Variants in PLEKHG4 observed in about 807,000 individuals in gnomAD.
The protein encoded by PLEKHG4 is pleckstrin homology and RhoGEF domain containing G4.
PLEKHG4 carries 85 observed loss-of-function variants against 136.9 expected under a neutral mutation model. The ratio of observed to expected loss-of-function variants is 0.62; its 90% CI spans 0.52 to 0.74. PLEKHG4 has a LOEUF of 0.74. Ranked by LOEUF, PLEKHG4 falls within the 30% of genes least tolerant of loss-of-function variation. The pLI is 0.00. For missense variants in PLEKHG4, 1,317 were observed against 1,527.8 expected (o/e 0.86, Z 2.30); for synonymous variants, 577 against 646.9 (o/e 0.89, Z 1.64).
chr16:67,281,175 C>G lies in PLEKHG4; in HGVS notation c.804C>G (p.Ser268Arg). 6.2e-7 allele frequency: 1 copy of G among 1,610,540 alleles called. No individual in the cohort carries two copies. The highest frequency in any genetic ancestry group is 8.5e-7 in the Non-Finnish European group (1 of 1,176,846). The change falls in exon 5 of 22, where the codon AGC becomes AGG. Residue 268 changes from serine (S) to arginine (R), a missense_variant. Coordinates refer to ENST00000379344, the MANE Select transcript of PLEKHG4 (RefSeq NM_001129729.3). ...GTTCTTCCCTCTTCTCTGGGCTCAG[C>G]CAACTACAAGTGAGTACAGGATTGT... The part of the protein sequence containing the change: ...APSSSLFSGL[S>R]QLQEAAPGAV...
rs766258236 is a variant in PLEKHG4 at position 67,287,068 on chromosome 16, C to T, written c.2994C>T (p.Arg998=). 1 of 1,613,458 alleles carries T rather than the reference C, an allele frequency of 6.2e-7. No individual in the cohort carries two copies. The highest frequency in any genetic ancestry group is 8.5e-7 in the Non-Finnish European group (1 of 1,180,042). The change falls in exon 18 of 22, where the codon CGC becomes CGT. Residue 998 remains arginine (R), a synonymous_variant. Coordinates refer to ENST00000379344, the MANE Select transcript of PLEKHG4 (RefSeq NM_001129729.3). ...SNLRFEIWFR[R]RKARDTFVLQ... ...TGCGCTTCGAGATCTGGTTCCGCCG[C>T]CGCAAGGCCAGGGACACCTTTGTGC...
chr16:67,282,386 C>G, intron 9 of PLEKHG4, 37 bp downstream of exon 9: 1 of 1,611,530 alleles, frequency 6.2e-7, no homozygotes. Flanking sequence ...TTGCCCCAGC[C>G]CACCATATTC....
Position 67,284,704 on chromosome 16 carries a change from G to C in PLEKHG4, c.1693-9G>C. 6.2e-7 allele frequency: 1 copy of C among 1,613,394 alleles called. No homozygotes were observed. The highest frequency in any genetic ancestry group is 8.5e-7 in the Non-Finnish European group (1 of 1,179,850). ...TTCCTCTAATGCTTGTCCGGCCCTG[G>C]TGTTGCAGGCCTTGACGTGGGCTGA... On this transcript the variant is annotated splice_polypyrimidine_tract_variant and intron_variant, in intron 12 of 21. Transcript: ENST00000379344. The surrounding 1 kb of genome is among the most constrained non-coding windows in gnomAD (Gnocchi z 4.4).
rs949409654 is a variant in PLEKHG4 at position 67,284,627 on chromosome 16, G to A, written c.1693-86G>A. The A allele has an allele frequency of 6.5e-7, 1 of 1,534,212 alleles. No individual in the cohort carries two copies. The highest frequency in any genetic ancestry group is 1.4e-5 in the African/African-American group (1 of 73,236). On this transcript the variant is annotated intron_variant, in intron 12 of 21. Coordinates refer to ENST00000379344, the MANE Select transcript of PLEKHG4 (RefSeq NM_001129729.3). The surrounding 1 kb of genome is among the most constrained non-coding windows in gnomAD (Gnocchi z 4.4). ...GGCTGTGTCCTGGACAGCATCCTGTGGGGATGGGGAGTGGGTAGAGGAGCA... is the reference window on the plus strand; with the variant it reads ...GGCTGTGTCCTGGACAGCATCCTGTAGGGATGGGGAGTGGGTAGAGGAGCA...
At position 67,286,984 on chromosome 16, in the gene PLEKHG4, C is replaced by A. The variant is rs1293133572; in HGVS notation, c.2926-16C>A. ...GCCCCATGCCTTACCAAGCCCCTCT[C>A]TCCCGCTGGCCACAGATGGCAGACC... On this transcript the variant is annotated splice_polypyrimidine_tract_variant and intron_variant, in intron 17 of 21. Transcript: ENST00000379344. The A allele has an allele frequency of 1.2e-6, 2 of 1,613,152 alleles. No individual in the cohort carries two copies. The highest frequency in any genetic ancestry group is 1.7e-6 in the Non-Finnish European group (2 of 1,179,970).
Position 67,286,378 on chromosome 16 carries a change from G to A in PLEKHG4, c.2532+15G>A, listed in dbSNP as rs767402609. On this transcript the variant is annotated intron_variant, in intron 15 of 21. Transcript: ENST00000379344. ...CCTTCTTCAAGGTAAGTGAACCTGA[G>A]ATTAGGAGGAGTAGGGGATGCGGGG... 19 of 1,612,140 alleles carry A rather than the reference G, an allele frequency of 1.2e-5. No individual in the cohort carries two copies. The highest frequency in any genetic ancestry group is 9.3e-6 in the Non-Finnish European group (11 of 1,178,366).
intron 18 of PLEKHG4, 61 bp from the exon 19 acceptor site, chr16:67,287,837 T>C: frequency 9.4e-7 from 1 of 1,069,366 alleles, no homozygotes; most frequent in Non-Finnish European, 1.5e-6. Context: ...TGGGGGGTGG[T>C]AGAGGCCCAA....
chr16:67,284,261 C>T lies in PLEKHG4; in HGVS notation c.1510-14C>T, dbSNP rs757217826. The T allele has an allele frequency of 1.2e-6, 2 of 1,612,694 alleles. No individual in the cohort carries two copies. Among genetic ancestry groups the T allele is most frequent in the Non-Finnish European group, 1.7e-6 (2 of 1,179,328 alleles). ...CAGGCCTGGGCTGGCTGAGCCTAGT[C>T]TCTGTCTCTGCAGGAGCAGGTCAGG... On this transcript the variant is annotated splice_polypyrimidine_tract_variant and intron_variant, in intron 11 of 21. Transcript: ENST00000379344. This position sits in a 1 kb window ranked among gnomAD's most constrained non-coding sequence, Gnocchi z 4.4.
chr16:67,288,922 T>A lies in PLEKHG4; in HGVS notation c.*114T>A. 2 of 1,141,492 alleles carry A rather than the reference T, an allele frequency of 1.8e-6. No homozygotes were observed. The highest frequency in any genetic ancestry group is 2.6e-6 in the Non-Finnish European group (2 of 770,374). 70.7% of individuals were successfully genotyped at this position (1,141,492 alleles called of 1,614,324 possible). ...ACACCTGGGCTACCTCCAACCTACA[T>A]GTGCAACGCTGTTGACTACCCTTTC... On this transcript the variant is annotated 3_prime_UTR_variant, in exon 22 of 22. Transcript: ENST00000379344.
chr16:67,281,207 C>A, intron 5 of PLEKHG4, 23 bp downstream of exon 5: 1 of 1,521,614 alleles, frequency 6.6e-7, no homozygotes, highest in Non-Finnish European at 9.1e-7. Flanking sequence ...TTGTAGCTCC[C>A]CTCATTCCTT....
chr16:67,281,647 A>G lies in PLEKHG4; in HGVS notation c.891+3A>G, dbSNP rs746098877. On this transcript the variant is annotated splice_donor_region_variant and intron_variant, in intron 6 of 21. Coordinates refer to ENST00000379344, the MANE Select transcript of PLEKHG4 (RefSeq NM_001129729.3). ...AGGAAGTGCCTTCCGGGCTGCAGGT[A>G]CTAAGCCCAGTTGGCTAGGGGTAGA... is the stretch of plus-strand genomic sequence containing the variant. 2 of 1,613,720 alleles carry G rather than the reference A, an allele frequency of 1.2e-6. No homozygotes were observed. The highest frequency in any genetic ancestry group is 2.2e-5 in the East Asian group (1 of 44,882).
rs1344556418 is a variant in PLEKHG4 at position 67,280,924 on chromosome 16, C to T, written c.638C>T (p.Ala213Val). The T allele has an allele frequency of 2.5e-6, 4 of 1,612,950 alleles. No individual in the cohort carries two copies. Among genetic ancestry groups the T allele is most frequent in the African/African-American group, 1.3e-5 (1 of 75,060 alleles). Residue 213 changes from alanine (A) to valine (V), a missense_variant, in exon 4 of 22, where the codon GCC becomes GTC. Ala to Val is a moderately conservative substitution (Grantham distance 64). Coordinates refer to ENST00000379344, the MANE Select transcript of PLEKHG4 (RefSeq NM_001129729.3). This position sits in a 1 kb window ranked among gnomAD's most constrained non-coding sequence, Gnocchi z 4.4. ...GGCCGGGCAGTGCTGCTTCTGTGTG[C>T]CCACAGCCCAGCCTGGCTTCAGTCT... The part of the protein sequence containing the change: ...VQGRAVLLLC[A>V]HSPAWLQSEC...
chr16:67,279,888 G>C lies in PLEKHG4; in HGVS notation c.-157G>C, dbSNP rs533579639. On this transcript the variant is annotated 5_prime_UTR_variant, in exon 2 of 22. Coordinates refer to ENST00000379344, the MANE Select transcript of PLEKHG4 (RefSeq NM_001129729.3). ...TCCCTCTTCCCAGGCCTGAATTGCA[G>C]TTCCTGTGCCCTGGCACTAAGACTG... 6.3e-5 allele frequency: 44 copies of C among 696,428 alleles called. No homozygotes were observed. Among genetic ancestry groups the C allele is most frequent in the Non-Finnish European group, 8.6e-5 (36 of 417,806 alleles). The allele number at this position is 696,428 out of a possible 1,614,324, so 43.1% of individuals were successfully genotyped here. A position where few individuals can be genotyped will look rare whatever the true frequency, so the allele number is the denominator to read the frequency against.
At chr16:67,283,187 G>A (rs2036310150) in intron 11 of PLEKHG4, among the ~76,000 whole-genome samples, 1 of 152,034 alleles carries the variant, frequency 6.6e-6, no homozygotes, top group Admixed American at 6.6e-5. Flanking sequence ...TGAGGATGGG[G>A]GCACATTCCA....
Position 67,282,075 on chromosome 16 carries a change from G to T in PLEKHG4, c.1072G>T (p.Val358Leu), listed in dbSNP as rs748979741. Reference protein sequence around the residue: ...CALLQGAIESVKAVPQPMEPG... With the variant: ...CALLQGAIESLKAVPQPMEPG... ...CCTGCTCCAGGGGGCCATCGAAAGT[G>T]TGAAGGCTGTGCCCCAGCCCATGGA... is the stretch of plus-strand genomic sequence containing the variant. The change falls in exon 8 of 22, where the codon GTG becomes TTG. Residue 358 changes from valine (V) to leucine (L), a missense_variant. Physicochemically the swap from Val to Leu is conservative, Grantham distance 32. Transcript: ENST00000379344. 2 of 1,613,644 alleles carry T rather than the reference G, an allele frequency of 1.2e-6. No homozygotes were observed. The highest frequency in any genetic ancestry group is 2.2e-5 in the East Asian group (1 of 44,874).
rs756668288 is a variant in PLEKHG4 at position 67,285,087 on chromosome 16, T to C, written c.2067T>C (p.Pro689=). Residue 689 remains proline, a synonymous_variant, in exon 13 of 22, where the codon CCT becomes CCC. Coordinates refer to ENST00000379344, the MANE Select transcript of PLEKHG4 (RefSeq NM_001129729.3). ...DRNLGQSLSE[P]ACHCHHAATI... is the part of the protein sequence containing the mutation. ...ATCTGGGGCAGAGTCTCAGTGAACC[T>C]GCCTGCCACTGCCACCATGCGGCCA... The C allele has an allele frequency of 1.4e-5, 23 of 1,613,180 alleles. No individual in the cohort carries two copies. In the African/African-American group the frequency reaches 2.8e-4, roughly 20 times the overall value.
At chr16:67,285,252 G>A in intron 13 of PLEKHG4, 37 bp downstream of exon 13, 1 of 1,613,726 alleles carries the variant, frequency 6.2e-7, no homozygotes, top group African/African-American at 1.3e-5. Context: ...GGCAGTAAAG[G>A]AGAGATGTCT....
chr16:67,283,001 A>C (rs1356363966), intron 11 of PLEKHG4, 143 bp downstream of exon 11: 3 of 716,306 alleles, frequency 4.2e-6, no homozygotes, highest in Non-Finnish European at 7.4e-6. Flanking sequence ...AATTAATCAC[A>C]GTCATATATG....
At position 67,280,707 on chromosome 16, in the gene PLEKHG4, C is replaced by T; in HGVS notation, c.500-4C>T. On this transcript the variant is annotated splice_polypyrimidine_tract_variant and splice_region_variant and intron_variant, in intron 2 of 21. Transcript: ENST00000379344. This position sits in a 1 kb window ranked among gnomAD's most constrained non-coding sequence, Gnocchi z 4.4. ...GGCAGACCCAAGTCATTTCCCTTCCCAAGCCCCCAGTGGATCCGGCCTCCC... is the reference window on the plus strand; with the variant it reads ...GGCAGACCCAAGTCATTTCCCTTCCTAAGCCCCCAGTGGATCCGGCCTCCC... 6.2e-7 allele frequency: 1 copy of T among 1,614,082 alleles called. No individual in the cohort carries two copies. Among genetic ancestry groups the T allele is most frequent in the Non-Finnish European group, 8.5e-7 (1 of 1,180,018 alleles).
Sources: gnomAD v4.1 joint callset for allele counts (sites outside exome capture counted in the v4.1 genomes callset) on GRCh38, gnomAD v4.1.1 for gene constraint, Gnocchi (gnomAD v3.1) non-coding constraint, MANE v1.5 for transcripts, NCBI Gene and HGNC (gene_info 2026-07-23, HGNC 2026-07-21) for gene names.